The following NOSTRIN variants were observed in gnomAD, a reference collection of about 807,000 sequenced individuals.
NOSTRIN encodes the protein BM247 homolog.
Under a neutral mutation model 59.0 loss-of-function variants are expected in NOSTRIN, and 63 were observed. The ratio of observed to expected loss-of-function variants is 1.07; its 90% CI spans 0.87 to 1.32. NOSTRIN has a LOEUF of 1.32. Among genes scored for constraint, NOSTRIN ranks in the 40% most tolerant of loss-of-function variants. The pLI is 0.00. For missense variants in NOSTRIN, 512 were observed against 473.1 expected, an observed-to-expected ratio of 1.08 and a Z score of -0.76; for synonymous variants, 200 against 165.4, an observed-to-expected ratio of 1.21 and a Z score of -1.61.
chr2:168,834,172 C>T lies in NOSTRIN; in HGVS notation c.406-55C>T, dbSNP rs550237984. On this transcript the variant is annotated intron_variant, in intron 6 of 15. Transcript: ENST00000317647. The stretch of plus-strand genomic sequence containing the variant: ...CTTTGTTCCAAAAGAGGAGAGTTTT[C>T]TCTTGGCATCAGCCTCTGCTCCTTT... 1.6e-4 allele frequency: 132 copies of T among 823,734 alleles called. No individual in the cohort carries two copies. In the Admixed American group the frequency reaches 2.3e-3, roughly 14 times the overall value. 51.0% of individuals were successfully genotyped at this position (823,734 alleles called of 1,614,324 possible). A position where few individuals can be genotyped will look rare whatever the true frequency, so the allele number is the denominator to read the frequency against.
intron 5 of NOSTRIN, among the ~76,000 whole-genome samples, chr2:168,830,717 A>G (rs1687313142): frequency 6.6e-6 from 1 of 152,240 alleles, no homozygotes; most frequent in Non-Finnish European, 1.5e-5. Context: ...AGAGTTCAAT[A>G]TCTTTGAAAT....
upstream of NOSTRIN, among the ~76,000 whole-genome samples, chr2:168,795,683 C>A (rs888892906): frequency 2.6e-5 from 4 of 152,126 alleles, no homozygotes; most frequent in Admixed American, 2.6e-4. Flanking sequence ...TTAATTATGA[C>A]CATTTGGGCT....
intron 7 of NOSTRIN, among the ~76,000 whole-genome samples, chr2:168,839,334 C>T (rs1260491462): frequency 6.6e-6 from 1 of 152,122 alleles, no homozygotes; most frequent in African/African-American, 2.4e-5. Context: ...ATTTTAATTT[C>T]AAGGCTAGTT....
intron 8 of NOSTRIN, among the ~76,000 whole-genome samples, chr2:168,849,459 G>A (rs951515150): frequency 4.0e-5 from 6 of 151,832 alleles, no homozygotes; most frequent in African/African-American, 9.7e-5. Flanking sequence ...AGGTCCAAGC[G>A]ATTCTCCTGC....
intron 2 of NOSTRIN, among the ~76,000 whole-genome samples, chr2:168,793,055 A>G (rs1210332846): frequency 2.6e-5 from 4 of 152,186 alleles, no homozygotes; most frequent in African/African-American, 9.7e-5. Flanking sequence ...GCCATAGAGA[A>G]TGGAATTTTG....
chr2:168,817,596 C>T (rs1030847721), intron 2 of NOSTRIN, among the ~76,000 whole-genome samples: 4 of 152,172 alleles, frequency 2.6e-5, no homozygotes, highest in African/African-American at 9.7e-5. Flanking sequence ...TCCCTGTCCT[C>T]CCCTACCCCA....
At chr2:168,861,027 C>T (rs1179904607) in intron 14 of NOSTRIN, 118 bp downstream of exon 14, 3 of 644,926 alleles carry the variant, frequency 4.7e-6, no homozygotes, top group Non-Finnish European at 8.3e-6. Flanking sequence ...ATTTATATTT[C>T]CATTGGGACC....
chr2:168,856,683 T>C lies in NOSTRIN; in HGVS notation c.965-7T>C. On this transcript the variant is annotated splice_region_variant and splice_polypyrimidine_tract_variant and intron_variant, in intron 11 of 15. Transcript: ENST00000317647. ...AAAGGTGACTGAGAACATGATTTCA[T>C]TTTCAGGCCTGGAACGAATGCTTAA... The C allele has an allele frequency of 6.2e-7, 1 of 1,613,802 alleles. No individual in the cohort carries two copies. Among genetic ancestry groups the C allele is most frequent in the East Asian group, 2.2e-5 (1 of 44,874 alleles).
chr2:168,807,058 T>C (rs1355468018), intron 1 of NOSTRIN, among the ~76,000 whole-genome samples: 1 of 152,196 alleles, frequency 6.6e-6, no homozygotes, highest in Non-Finnish European at 1.5e-5. Flanking sequence ...ACTAATTAGG[T>C]TATCCTTATC....
At chr2:168,859,416 TA>T in intron 12 of NOSTRIN, 95 bp from the exon 13 acceptor site, 2 of 1,543,156 alleles carry the variant, frequency 1.3e-6, no homozygotes, top group Non-Finnish European at 1.8e-6. Context: ...CGTACTTTTC[TA>T]ACCTTTGTTA....
At chr2:168,795,750 G>T (rs898836459), upstream of NOSTRIN, among the ~76,000 whole-genome samples, 16 of 152,120 alleles carry the variant, frequency 1.1e-4, no homozygotes, top group East Asian at 1.3e-3. Context: ...AGCTTATTTT[G>T]TGCAATTTTT....
intron 7 of NOSTRIN, among the ~76,000 whole-genome samples, chr2:168,838,292 T>C (rs1007239021): frequency 2.0e-5 from 3 of 152,208 alleles, no homozygotes; most frequent in Admixed American, 1.3e-4. Flanking sequence ...AACCAGATCC[T>C]TCAGTGGCAC....
intron 8 of NOSTRIN, among the ~76,000 whole-genome samples, chr2:168,849,903 A>C: frequency 7.4e-6 from 1 of 135,286 alleles, no homozygotes; most frequent in African/African-American, 2.8e-5. Flanking sequence ...TGGGTCCAAT[A>C]AGTAACATTT....
chr2:168,859,445 A>T, intron 12 of NOSTRIN, 67 bp from the exon 13 acceptor site: 2 of 1,586,430 alleles, frequency 1.3e-6, no homozygotes, highest in Non-Finnish European at 1.7e-6. Flanking sequence ...AGTTATTCTG[A>T]TATTCCTATC....
intron 15 of NOSTRIN, among the ~76,000 whole-genome samples, chr2:168,864,200 T>G (rs1010388051): frequency 2.6e-5 from 4 of 151,806 alleles, no homozygotes; most frequent in African/African-American, 9.7e-5. Flanking sequence ...CCTCTTGACC[T>G]CAAGTAATCT....
chr2:168,819,107 A>G (rs1454594163), intron 2 of NOSTRIN, among the ~76,000 whole-genome samples: 1 of 152,174 alleles, frequency 6.6e-6, no homozygotes, highest in Admixed American at 6.5e-5. Flanking sequence ...GTTTCTGACT[A>G]TTTTAATGAG....
In NOSTRIN at chr2:168,824,894, G is replaced by T. The variant is rs530276676; in HGVS notation, c.197+177G>T. 2.3e-4 allele frequency among the ~76,000 whole-genome samples: 35 copies of T among 152,084 alleles called. No individual in the cohort carries two copies. The South Asian group carries it at 6.7e-3, about 29-fold the overall frequency. ...CAGGCTCAGGTGATCCTCCCACCCA[G>T]CCTCCCATATAGAGTAGCTGGGACC... On this transcript the variant is annotated intron_variant, in intron 3 of 15. Transcript: ENST00000317647.
At chr2:168,862,193 A>G in intron 15 of NOSTRIN, 144 bp downstream of exon 15, 1 of 686,562 alleles carries the variant, frequency 1.5e-6, no homozygotes, top group Non-Finnish European at 2.5e-6. Flanking sequence ...CACATCTAAA[A>G]CAAAAGCTCG....
intron 7 of NOSTRIN, among the ~76,000 whole-genome samples, chr2:168,842,638 G>C (rs1436610996): frequency 6.6e-6 from 1 of 152,186 alleles, no homozygotes; most frequent in Non-Finnish European, 1.5e-5. Context: ...AAGACTATGG[G>C]ATTCATTGGC....
Sources: allele counts gnomAD v4.1 joint callset (sites outside exome capture counted in the v4.1 genomes callset), GRCh38; gene constraint gnomAD v4.1.1; transcripts MANE v1.5; gene names NCBI Gene and HGNC (gene_info 2026-07-23, HGNC 2026-07-21).